Variants in CSMD1 observed in about 807,000 individuals in gnomAD.
CSMD1 encodes CUB and sushi domain-containing protein 1.
CSMD1 carries 213 observed loss-of-function variants against 417.5 expected under a neutral mutation model. The observed-to-expected ratio is 0.51, with a 90% CI of 0.46 to 0.57. The LOEUF is 0.57. CSMD1 is among the 20% of genes least tolerant of loss of function. The pLI, the probability that CSMD1 is intolerant of heterozygous loss-of-function variation, is 0.00. For synonymous variants in CSMD1, 2,862 were observed against 1,736.8 expected, an observed-to-expected ratio of 1.65 and a Z score of -16.11; for missense variants, 6,923 against 4,529.7, an observed-to-expected ratio of 1.53 and a Z score of -15.17.
chr8:4,709,319 T>C (rs1033085433), intron 1 of CSMD1, among the ~76,000 whole-genome samples: 3 of 152,148 alleles, frequency 2.0e-5, no homozygotes, highest in Non-Finnish European at 4.4e-5. Flanking sequence ...TGGAGGTTGA[T>C]ACCTGAGGCC....
chr8:4,678,417 A>AAC (rs1416281472), intron 1 of CSMD1, among the ~76,000 whole-genome samples: 1 of 139,702 alleles, frequency 7.2e-6, no homozygotes, highest in African/African-American at 3.2e-5. Flanking sequence ...TCTCAACAAC[A>AAC]AAAAAAAAGA....
chr8:3,581,198 G>A (rs537947249), intron 9 of CSMD1, among the ~76,000 whole-genome samples: 1 of 152,190 alleles, frequency 6.6e-6, no homozygotes, highest in East Asian at 1.9e-4. Flanking sequence ...AAAATAGAAC[G>A]ATATACTCTT....
intron 5 of CSMD1, among the ~76,000 whole-genome samples, chr8:3,805,346 G>A (rs970431902): frequency 6.6e-6 from 1 of 152,080 alleles, no homozygotes. Context: ...CTTTTTCCAG[G>A]ATACCAGAAT....
At chr8:4,469,152 CTACT>C (rs997733318) in intron 2 of CSMD1, among the ~76,000 whole-genome samples, 2 of 152,122 alleles carry the variant, frequency 1.3e-5, no homozygotes, top group Admixed American at 6.5e-5. Context: ...GAAGAAGGCA[CTACT>C]TACTTAAAGA....
chr8:4,241,147 C>A lies in CSMD1; in HGVS notation c.415+178806G>T, dbSNP rs531075253. Among the ~76,000 whole-genome samples, 6 of 152,260 alleles carry A rather than the reference C, an allele frequency of 3.9e-5. No individual in the cohort carries two copies. In the South Asian group the frequency reaches 1.2e-3, roughly 32 times the overall value. ...AACCCTAGCTTCACTGATGGCCCTA[C>A]AGCTTGTCTTCTTAAACAAATGAAA... On this transcript the variant is annotated intron_variant, in intron 3 of 69. Coordinates refer to ENST00000635120, the MANE Select transcript of CSMD1 (RefSeq NM_033225.6).
intron 11 of CSMD1, among the ~76,000 whole-genome samples, chr8:3,484,442 G>C (rs955345387): frequency 1.3e-5 from 2 of 152,138 alleles, no homozygotes; most frequent in Non-Finnish European, 2.9e-5. Flanking sequence ...TAACTCAAAA[G>C]GGATAAGAGA....
At chr8:3,226,092 T>C (rs909731426) in intron 27 of CSMD1, among the ~76,000 whole-genome samples, 1 of 152,200 alleles carries the variant, frequency 6.6e-6, no homozygotes, top group African/African-American at 2.4e-5. Flanking sequence ...AACATTTGAA[T>C]GTTCACACCG....
chr8:2,995,282 T>C (rs1457147921), intron 54 of CSMD1, among the ~76,000 whole-genome samples: 7 of 152,174 alleles, frequency 4.6e-5, no homozygotes. Flanking sequence ...ATGGGAATAA[T>C]CACCAGATAA....
At chr8:3,252,741 C>T (rs979809946) in intron 26 of CSMD1, among the ~76,000 whole-genome samples, 3 of 152,116 alleles carry the variant, frequency 2.0e-5, no homozygotes, top group South Asian at 2.1e-4. Flanking sequence ...AATTTCAGAG[C>T]CTGTTATTCG....
chr8:3,568,960 C>T lies in CSMD1; in HGVS notation c.1344+5985G>A, dbSNP rs564301154. On this transcript the variant is annotated intron_variant, in intron 10 of 69. Transcript: ENST00000635120. ...CTTAATTACTATAACACATGTCTCA[C>T]AATATATATTACTTTTTCAAGAATT... 3.7e-4 allele frequency among the ~76,000 whole-genome samples: 57 copies of T among 152,214 alleles called. 1 individual carries two copies. Among genetic ancestry groups the T allele is most frequent in the African/African-American group, 1.2e-3 (51 of 41,556 alleles).
intron 8 of CSMD1, among the ~76,000 whole-genome samples, chr8:3,593,491 C>G (rs1800952796): frequency 6.6e-6 from 1 of 152,190 alleles, no homozygotes; most frequent in South Asian, 2.1e-4. Context: ...GATGCCTGCT[C>G]TCACTAAGGC....
At chr8:4,771,788 C>G (rs575883679) in intron 1 of CSMD1, among the ~76,000 whole-genome samples, 14 of 152,268 alleles carry the variant, frequency 9.2e-5, no homozygotes, top group Admixed American at 6.5e-4. Flanking sequence ...CTTTCCACAT[C>G]CCTGATGTTC....
At chr8:3,284,071 A>T in intron 26 of CSMD1, 73 bp downstream of exon 26, 1 of 1,213,970 alleles carries the variant, frequency 8.2e-7, no homozygotes. Context: ...TGGTGAATAT[A>T]AATGGAGGGA....
intron 41 of CSMD1, among the ~76,000 whole-genome samples, chr8:3,137,109 G>A (rs1818148086): frequency 6.6e-6 from 1 of 152,106 alleles, no homozygotes; most frequent in African/African-American, 2.4e-5. Context: ...TGGGGGGAAT[G>A]TTCAATATCC....
chr8:4,016,556 A>C (rs1796534053), intron 4 of CSMD1, among the ~76,000 whole-genome samples: 1 of 152,150 alleles, frequency 6.6e-6, no homozygotes, highest in Admixed American at 6.5e-5. Context: ...AGGAGAAAAG[A>C]TGAAGATTCA....
At chr8:4,435,266 G>C (rs1263939261) in intron 2 of CSMD1, among the ~76,000 whole-genome samples, 1 of 152,224 alleles carries the variant, frequency 6.6e-6, no homozygotes, top group African/African-American at 2.4e-5. Context: ...TAAGTACTTT[G>C]TTAATCCACC....
chr8:4,432,699 A>G (rs1159496626), intron 2 of CSMD1, among the ~76,000 whole-genome samples: 1 of 152,224 alleles, frequency 6.6e-6, no homozygotes, highest in Non-Finnish European at 1.5e-5. Flanking sequence ...GTCTCTCTCC[A>G]GAGCCTGTGC....
chr8:3,669,246 A>T (rs1402987905), intron 7 of CSMD1, among the ~76,000 whole-genome samples: 1 of 152,218 alleles, frequency 6.6e-6, no homozygotes, highest in East Asian at 1.9e-4. Flanking sequence ...ACACTGCATC[A>T]ATCTGAGTGA....
intron 5 of CSMD1, among the ~76,000 whole-genome samples, chr8:3,774,956 G>C (rs1327695366): frequency 6.6e-6 from 1 of 152,044 alleles, no homozygotes; most frequent in East Asian, 1.9e-4. Context: ...GAAACAGGTA[G>C]CATATACACA....
Sources: gnomAD v4.1 joint callset for allele counts (sites outside exome capture counted in the v4.1 genomes callset) on GRCh38, gnomAD v4.1.1 for gene constraint, MANE v1.5 for transcripts, NCBI Gene and HGNC (gene_info 2026-07-23, HGNC 2026-07-21) for gene names.